The following WWOX variants were observed in gnomAD, a reference collection of about 807,000 sequenced individuals.
WWOX encodes WW domain-containing oxidoreductase.
A neutral mutation model predicts 46.2 loss-of-function variants in WWOX; 69 were observed. The ratio of observed to expected loss-of-function variants is 1.49; its 90% confidence interval spans 1.23 to 1.82. The LOEUF is 1.82. Ranked by LOEUF, WWOX falls within the 40% of genes most tolerant of loss-of-function variation. The pLI is 0.00. For synonymous variants in WWOX, 359 were observed against 202.6 expected, an observed-to-expected ratio of 1.77 and a Z score of -6.56; for missense variants, 919 against 542.6, an observed-to-expected ratio of 1.69 and a Z score of -6.89.
At chr16:79,152,681 A>G (rs900404597) in intron 8 of WWOX, among the ~76,000 whole-genome samples, 6 of 151,680 alleles carry the variant, frequency 4.0e-5, no homozygotes, top group African/African-American at 1.5e-4. Context: ...AAGAAAAAAA[A>G]AAAAAAACAA....
intron 8 of WWOX, among the ~76,000 whole-genome samples, chr16:79,116,110 A>G (rs1045310082): frequency 6.6e-6 from 1 of 152,240 alleles, no homozygotes. Context: ...TTACTAAAAA[A>G]TGCTAATGAT....
intron 8 of WWOX, among the ~76,000 whole-genome samples, chr16:78,691,830 A>G (rs1011470105): frequency 6.6e-6 from 1 of 152,174 alleles, no homozygotes; most frequent in Non-Finnish European, 1.5e-5. Flanking sequence ...CCCCACCCAA[A>G]TCTCAACTTG....
intron 5 of WWOX, among the ~76,000 whole-genome samples, chr16:78,360,216 A>G (rs1246718371): frequency 6.6e-6 from 1 of 152,140 alleles, no homozygotes; most frequent in Admixed American, 6.6e-5. Flanking sequence ...GAGGACATCC[A>G]CCTGCTCTAA....
intron 8 of WWOX, among the ~76,000 whole-genome samples, chr16:78,674,837 T>TC (rs201370061): frequency 0.032 from 4,893 of 151,774 alleles, 85 homozygotes; most frequent in East Asian, 0.071. Flanking sequence ...TCATTTTTTT[T>TC]TTTTCTGGAA....
Position 78,936,346 on chromosome 16 carries a change from A to G in WWOX, c.1057-275262A>G, listed in dbSNP as rs562449751. Among the ~76,000 whole-genome samples the G allele has an allele frequency of 3.9e-5, 6 of 152,140 alleles. No individual in the cohort carries two copies. The South Asian group carries it at 1.0e-3, about 26-fold the overall frequency. On this transcript the variant is annotated intron_variant, in intron 8 of 8. Transcript: ENST00000566780. The stretch of plus-strand genomic sequence containing the variant: ...CGAGTTTTCCCTGGACTTATCTGGA[A>G]TGACTCTGAACCTTTTGAAGACCCC...
chr16:78,551,046 A>T (rs1397713884), intron 8 of WWOX: 1 of 152,234 alleles, frequency 6.6e-6, no homozygotes, highest in Non-Finnish European at 1.5e-5. Context: ...CCATGAAACA[A>T]GTATCGTGAA....
At chr16:79,180,463 G>A (rs911228654) in intron 8 of WWOX, among the ~76,000 whole-genome samples, 6 of 152,126 alleles carry the variant, frequency 3.9e-5, no homozygotes, top group African/African-American at 1.4e-4. Context: ...GGGTGGTGAT[G>A]GTGCTGCCTC....
chr16:78,509,031 G>A (rs1264395479), intron 8 of WWOX, among the ~76,000 whole-genome samples: 1 of 152,266 alleles, frequency 6.6e-6, no homozygotes, highest in Non-Finnish European at 1.5e-5. Flanking sequence ...AGACACGTAT[G>A]TGTGTGTGCG....
At chr16:78,766,764 G>C (rs2049932914) in intron 8 of WWOX, among the ~76,000 whole-genome samples, 1 of 152,166 alleles carries the variant, frequency 6.6e-6, no homozygotes, top group Non-Finnish European at 1.5e-5. Flanking sequence ...TTCAGGTTTT[G>C]TGACCTTTAC....
intron 3 of WWOX, among the ~76,000 whole-genome samples, chr16:78,113,550 G>A (rs1480476242): frequency 1.3e-5 from 2 of 152,208 alleles, no homozygotes; most frequent in Non-Finnish European, 2.9e-5. Context: ...GGGGAACCTG[G>A]AAATTGGCTC....
intron 8 of WWOX, among the ~76,000 whole-genome samples, chr16:78,720,596 CCAT>C (rs1447383240): frequency 6.6e-6 from 1 of 151,880 alleles, no homozygotes; most frequent in Non-Finnish European, 1.5e-5. Flanking sequence ...TTTCAGACCA[CCAT>C]ATTTGTCCTA....
chr16:79,195,109 A>G (rs1359448125), intron 8 of WWOX, among the ~76,000 whole-genome samples: 2 of 152,180 alleles, frequency 1.3e-5, no homozygotes, highest in African/African-American at 2.4e-5. Flanking sequence ...TCAGATTTAC[A>G]GAGGAGAAAA....
chr16:79,131,324 G>A (rs1326276377), intron 8 of WWOX, among the ~76,000 whole-genome samples: 1 of 152,054 alleles, frequency 6.6e-6, no homozygotes, highest in East Asian at 1.9e-4. Context: ...TATGTGCTTG[G>A]AAAAAATTAG....
chr16:78,468,633 T>G (rs2084143589), intron 8 of WWOX, among the ~76,000 whole-genome samples: 1 of 152,228 alleles, frequency 6.6e-6, no homozygotes, highest in African/African-American at 2.4e-5. Context: ...TTAGTACACA[T>G]CCCATGTCTG....
Position 78,449,429 on chromosome 16 carries a change from G to A in WWOX, c.1056+16677G>A, listed in dbSNP as rs574940969. 5.9e-5 allele frequency among the ~76,000 whole-genome samples: 9 copies of A among 152,294 alleles called. 1 individual carries two copies. The highest frequency in any genetic ancestry group is 3.3e-4 in the Admixed American group (5 of 15,300). On this transcript the variant is annotated intron_variant, in intron 8 of 8. Coordinates refer to ENST00000566780, the MANE Select transcript of WWOX (RefSeq NM_016373.4). ...TGAGAGGCAGGGGTGATCAGGGCCA[G>A]CTACCACACTCTACAACTTGAATTT...
chr16:78,827,394 G>A (rs948457081), intron 8 of WWOX, among the ~76,000 whole-genome samples: 1 of 152,094 alleles, frequency 6.6e-6, no homozygotes, highest in Non-Finnish European at 1.5e-5. Flanking sequence ...CAGAGGAAGT[G>A]GAGCTGGAGT....
At chr16:78,716,720 A>G (rs1597484640) in intron 8 of WWOX, among the ~76,000 whole-genome samples, 1 of 151,278 alleles carries the variant, frequency 6.6e-6, no homozygotes, top group Non-Finnish European at 1.5e-5. Flanking sequence ...ATTTTCTTAG[A>G]GGTGTGGAAC....
At chr16:78,179,123 G>T (rs1424084299) in intron 5 of WWOX, among the ~76,000 whole-genome samples, 2 of 152,160 alleles carry the variant, frequency 1.3e-5, no homozygotes, top group Non-Finnish European at 2.9e-5. Context: ...CAGAAACACA[G>T]AAATAATTCT....
intron 5 of WWOX, among the ~76,000 whole-genome samples, chr16:78,173,755 A>G (rs139851542): frequency 1.3e-5 from 2 of 152,332 alleles, no homozygotes; most frequent in African/African-American, 4.8e-5. Context: ...TGTTGGAGCA[A>G]TATTTCTTCT....
Sources: allele counts gnomAD v4.1 joint callset (sites outside exome capture counted in the v4.1 genomes callset), GRCh38; gene constraint gnomAD v4.1.1; transcripts MANE v1.5; gene names NCBI Gene and HGNC (gene_info 2026-07-23, HGNC 2026-07-21).